The following GRM7 variants were observed in gnomAD, a reference collection of about 807,000 sequenced individuals.
The protein encoded by GRM7 is metabotropic glutamate receptor 7.
Under a neutral mutation model 84.5 loss-of-function variants are expected in GRM7, and 35 were observed. That is an observed-to-expected ratio of 0.41 (90% CI 0.32 to 0.55). The LOEUF (loss-of-function observed/expected upper bound fraction) is 0.55, where lower values mean the gene tolerates loss of function less well. Ranked by LOEUF, GRM7 falls within the 20% of genes least tolerant of loss-of-function variation. The probability of loss-of-function intolerance (pLI) is 0.19; values close to 1 mark genes in which losing one functional copy is unlikely to be tolerated. For missense variants in GRM7, 1,003 were observed against 1,194.6 expected (o/e 0.84, Z 2.36); for synonymous variants, 487 against 455.1 (o/e 1.07, Z -0.89).
chr3:7,073,464 G>A (rs1367590786), intron 1 of GRM7, among the ~76,000 whole-genome samples: 2 of 152,114 alleles, frequency 1.3e-5, no homozygotes, highest in South Asian at 2.1e-4. Context: ...TTACAAACAA[G>A]CAGATGGTCT....
chr3:7,457,981 TTCA>T (rs1369129254), intron 6 of GRM7, among the ~76,000 whole-genome samples: 1 of 152,168 alleles, frequency 6.6e-6, no homozygotes, highest in African/African-American at 2.4e-5. Flanking sequence ...AGTACTAATA[TTCA>T]GAGTGGTTTC....
intron 4 of GRM7, among the ~76,000 whole-genome samples, chr3:7,411,939 C>G (rs1695955406): frequency 1.3e-5 from 2 of 151,950 alleles, no homozygotes; most frequent in South Asian, 4.2e-4. Context: ...GTTTCTCACC[C>G]TAATCAATGC....
intron 2 of GRM7, among the ~76,000 whole-genome samples, chr3:7,200,537 T>A (rs928961382): frequency 2.0e-5 from 3 of 152,168 alleles, no homozygotes; most frequent in Non-Finnish European, 2.9e-5. Context: ...CGCCAAAGCA[T>A]TGCTCCTTGG....
chr3:7,254,257 T>A (rs915045154), intron 2 of GRM7, among the ~76,000 whole-genome samples: 1 of 152,166 alleles, frequency 6.6e-6, no homozygotes, highest in Non-Finnish European at 1.5e-5. Context: ...GTATGAATAT[T>A]TTTTTCAAAC....
chr3:7,503,730 T>C (rs1448109318), intron 7 of GRM7, among the ~76,000 whole-genome samples: 3 of 152,152 alleles, frequency 2.0e-5, no homozygotes, highest in African/African-American at 4.8e-5. Context: ...CTGAAGTCAA[T>C]TGCTAATTAT....
intron 1 of GRM7, among the ~76,000 whole-genome samples, chr3:7,080,302 C>T (rs75620476): frequency 6.6e-6 from 1 of 151,972 alleles, no homozygotes; most frequent in Non-Finnish European, 1.5e-5. Flanking sequence ...CCTATGGACT[C>T]TATATTCCTA....
intron 1 of GRM7, among the ~76,000 whole-genome samples, chr3:6,891,187 A>G (rs562147401): frequency 2.0e-5 from 3 of 152,154 alleles, no homozygotes; most frequent in South Asian, 2.1e-4. Flanking sequence ...TCTTTATCCA[A>G]TTTGCCAGTC....
intron 1 of GRM7, among the ~76,000 whole-genome samples, chr3:6,991,943 G>C (rs1156562385): frequency 1.3e-5 from 2 of 151,590 alleles, no homozygotes; most frequent in Non-Finnish European, 2.9e-5. Context: ...CTACCTCGCA[G>C]CTCCTTGCAA....
chr3:6,927,471 A>AAGAAAGAAAGAAAGAT (rs1559333328), intron 1 of GRM7, among the ~76,000 whole-genome samples: 2,564 of 60,078 alleles, frequency 0.043, 53 homozygotes, highest in Non-Finnish European at 0.072. Flanking sequence ...GAGAGAAAGA[A>AAGAAAGAAAGAAAGAT]AGAAAGAAAG....
intron 1 of GRM7, among the ~76,000 whole-genome samples, chr3:6,904,717 A>ATG (rs1283389490): frequency 6.6e-6 from 1 of 150,912 alleles, no homozygotes; most frequent in African/African-American, 2.5e-5. Context: ...TGACTTCCTT[A>ATG]TGTGTGTTTT....
intron 7 of GRM7, among the ~76,000 whole-genome samples, chr3:7,536,336 G>A (rs1354525256): frequency 6.6e-6 from 1 of 152,122 alleles, no homozygotes; most frequent in African/African-American, 2.4e-5. Context: ...TCTACATGAA[G>A]GGCTTTGTAG....
chr3:7,015,105 A>G (rs1695515360), intron 1 of GRM7, among the ~76,000 whole-genome samples: 1 of 152,072 alleles, frequency 6.6e-6, no homozygotes, highest in African/African-American at 2.4e-5. Flanking sequence ...GGGCGGGGAC[A>G]AATAAGGGAA....
chr3:7,539,458 T>C (rs542443532), intron 7 of GRM7, among the ~76,000 whole-genome samples: 127 of 149,798 alleles, frequency 8.5e-4, no homozygotes, highest in African/African-American at 2.9e-3. Context: ...GGGTGGATCA[T>C]GAGGTCCGGA....
At chr3:7,075,628 C>T (rs1203449935) in intron 1 of GRM7, among the ~76,000 whole-genome samples, 3 of 151,670 alleles carry the variant, frequency 2.0e-5, no homozygotes, top group East Asian at 1.9e-4. Context: ...TGGGTTCAAG[C>T]GATTCTTGTG....
At chr3:7,247,465 G>A (rs986215733) in intron 2 of GRM7, among the ~76,000 whole-genome samples, 25 of 151,528 alleles carry the variant, frequency 1.6e-4, no homozygotes, top group African/African-American at 5.6e-4. Context: ...GACTACAGGC[G>A]GCTCACACCT....
intron 1 of GRM7, among the ~76,000 whole-genome samples, chr3:7,025,645 C>A (rs760074654): frequency 6.6e-6 from 1 of 152,148 alleles, no homozygotes; most frequent in Non-Finnish European, 1.5e-5. Flanking sequence ...TCTGCCCTAT[C>A]TTTCTTGTGT....
At chr3:7,260,858 G>C (rs565431117) in intron 2 of GRM7, among the ~76,000 whole-genome samples, 1 of 152,164 alleles carries the variant, frequency 6.6e-6, no homozygotes, top group Non-Finnish European at 1.5e-5. Context: ...GGTGTTTAAT[G>C]CTGTAAATTT....
chr3:7,088,483 T>A (rs900569333), intron 1 of GRM7, among the ~76,000 whole-genome samples: 14 of 146,528 alleles, frequency 9.6e-5, no homozygotes, highest in African/African-American at 3.4e-4. Flanking sequence ...ATTATCTAAA[T>A]TTTTTTTTTC....
intron 2 of GRM7, among the ~76,000 whole-genome samples, chr3:7,194,211 C>T (rs1695808247): frequency 6.6e-6 from 1 of 152,068 alleles, no homozygotes; most frequent in African/African-American, 2.4e-5. Context: ...CAAACTTTCC[C>T]AGAGATCTGT....
Sources: allele counts gnomAD v4.1 joint callset (sites outside exome capture counted in the v4.1 genomes callset), GRCh38; gene constraint gnomAD v4.1.1; transcripts MANE v1.5; gene names NCBI Gene and HGNC (gene_info 2026-07-23, HGNC 2026-07-21).